DSCAM: variants seen among roughly 807,000 people sequenced by gnomAD.
DSCAM encodes cell adhesion molecule DSCAM.
A neutral mutation model predicts 217.7 loss-of-function variants in DSCAM; 47 were observed. That is an observed-to-expected ratio of 0.22 (90% CI 0.17 to 0.28). The LOEUF (loss-of-function observed/expected upper bound fraction) is 0.28, where lower values mean the gene tolerates loss of function less well. Among genes scored for constraint, DSCAM ranks in the 10% least tolerant of loss-of-function variants. DSCAM has a pLI of 1.00. For missense variants in DSCAM, 2,080 were observed against 2,618.3 expected (o/e 0.79, Z 4.49); for synonymous variants, 1,056 against 1,015.3 (o/e 1.04, Z -0.76).
At chr21:40,277,043 G>A (rs1383552162) in intron 10 of DSCAM, among the ~76,000 whole-genome samples, 1 of 152,108 alleles carries the variant, frequency 6.6e-6, no homozygotes, top group Non-Finnish European at 1.5e-5. Context: ...GGAAGATGGT[G>A]ACTGGATGAA....
rs1199819869 is a variant in DSCAM at position 40,037,752 on chromosome 21, C to A, written c.5686+4619G>T. On this transcript the variant is annotated intron_variant, in intron 32 of 32. Transcript: ENST00000400454. Reference sequence around the variant, plus strand: ...GAAAAAAGCTGGAGGCATCACACTACCTGACTTCAAACTATACTACAAGGC... The same window carrying A: ...GAAAAAAGCTGGAGGCATCACACTAACTGACTTCAAACTATACTACAAGGC... Among the ~76,000 whole-genome samples the A allele has an allele frequency of 2.8e-5, 4 of 145,144 alleles. No homozygotes were observed. In the East Asian group the frequency reaches 8.0e-4, roughly 29 times the overall value.
chr21:40,258,857 G>A (rs574703134), intron 11 of DSCAM, among the ~76,000 whole-genome samples: 82 of 152,260 alleles, frequency 5.4e-4, no homozygotes, highest in Non-Finnish European at 9.7e-4. Context: ...GTGAGGTCCC[G>A]TTCCAGCCAA....
rs550496030 is a variant in DSCAM at position 40,757,477 on chromosome 21, A to T, written c.44-48706T>A. Among the ~76,000 whole-genome samples, 23 of 151,996 alleles carry T rather than the reference A, an allele frequency of 1.5e-4. No individual in the cohort carries two copies. In the South Asian group the frequency reaches 4.8e-3, roughly 32 times the overall value. On this transcript the variant is annotated intron_variant, in intron 1 of 32. Transcript: ENST00000400454. The stretch of plus-strand genomic sequence containing the variant: ...ACTTGGCTGCTCCCCTGACTTCTCT[A>T]CTCCTTCAATCTGGAGTTGGCCATG...
chr21:40,343,137 G>T (rs1239059424), intron 6 of DSCAM, among the ~76,000 whole-genome samples: 1 of 151,990 alleles, frequency 6.6e-6, no homozygotes, highest in Non-Finnish European at 1.5e-5. Flanking sequence ...AAATAAAATT[G>T]CATTTTGTGT....
chr21:40,431,957 T>G (rs1375107469), intron 3 of DSCAM, among the ~76,000 whole-genome samples: 1 of 152,176 alleles, frequency 6.6e-6, no homozygotes, highest in Non-Finnish European at 1.5e-5. Flanking sequence ...CCCAGCACTT[T>G]GGGAGGCCAA....
intron 3 of DSCAM, among the ~76,000 whole-genome samples, chr21:40,402,092 C>T (rs1310298757): frequency 8.8e-6 from 1 of 113,134 alleles, no homozygotes; most frequent in African/African-American, 3.5e-5. Flanking sequence ...CAGAGTCTCG[C>T]TCTGTCGCCC....
chr21:40,369,177 A>G lies in DSCAM; in HGVS notation c.577T>C (p.Tyr193His). ...IKDVQNEDGL[Y>H]NYRCITRHRY... ...TGCCGCGTGATGCAGCGGTAGTTAT[A>G]CAATCCATCTTCATTCTGTACATCT... is the stretch of plus-strand genomic sequence containing the variant. The change falls in exon 4 of 33, where the codon TAT becomes CAT. Residue 193 changes from tyrosine (Y) to histidine (H), a missense_variant. Around this residue, in one of 5 missense-constraint regions of DSCAM, gnomAD observed 568 missense variants for 678.1 expected, o/e 0.84. Coordinates refer to ENST00000400454, the MANE Select transcript of DSCAM (RefSeq NM_001389.5). 1 of 1,613,628 alleles carries G rather than the reference A, an allele frequency of 6.2e-7. No individual in the cohort carries two copies. Among genetic ancestry groups the G allele is most frequent in the South Asian group, 1.1e-5 (1 of 90,954 alleles).
intron 8 of DSCAM, among the ~76,000 whole-genome samples, chr21:40,314,628 A>G (rs752920638): frequency 2.0e-5 from 3 of 152,210 alleles, no homozygotes; most frequent in Admixed American, 2.0e-4. Context: ...CTAAATTGCT[A>G]TGCTTTATTA....
At chr21:40,825,311 T>TTCCTTCCTTCCC (rs1176120927) in intron 1 of DSCAM, among the ~76,000 whole-genome samples, 2 of 151,532 alleles carry the variant, frequency 1.3e-5, no homozygotes, top group African/African-American at 4.9e-5. Flanking sequence ...CCTTCCTTCC[T>TTCCTTCCTTCCC]TCCTTTTTTT....
intron 20 of DSCAM, among the ~76,000 whole-genome samples, chr21:40,103,333 A>G (rs1005118338): frequency 2.0e-5 from 3 of 152,172 alleles, no homozygotes; most frequent in African/African-American, 7.2e-5. Context: ...GCAGTGAAAA[A>G]AAAACTCCCC....
chr21:40,630,159 C>T (rs2089668998), intron 3 of DSCAM, among the ~76,000 whole-genome samples: 1 of 152,004 alleles, frequency 6.6e-6, no homozygotes, highest in African/African-American at 2.4e-5. Flanking sequence ...CAGGAAAGCA[C>T]AAAGTATGTC....
At chr21:40,275,649 TA>T (rs1569036608) in intron 11 of DSCAM, among the ~76,000 whole-genome samples, 1 of 152,172 alleles carries the variant, frequency 6.6e-6, no homozygotes. Flanking sequence ...AAATGATCCT[TA>T]AAAGGAAATC....
chr21:40,751,185 C>T (rs778013084), intron 1 of DSCAM, among the ~76,000 whole-genome samples: 1 of 152,114 alleles, frequency 6.6e-6, no homozygotes, highest in Non-Finnish European at 1.5e-5. Context: ...TCTATCACTT[C>T]GTTTAGGTTT....
intron 26 of DSCAM, among the ~76,000 whole-genome samples, chr21:40,076,578 G>A (rs369180363): frequency 2.0e-5 from 3 of 152,164 alleles, no homozygotes; most frequent in African/African-American, 4.8e-5. Context: ...TTTCCAAAAC[G>A]TAAAGGTAGC....
chr21:40,144,755 A>G lies in DSCAM; in HGVS notation c.3019-24T>C. The stretch of plus-strand genomic sequence containing the variant: ...GCCTAAACAGGAGAGAAAAGAACAC[A>G]CTAAAGAAGTCTTGAGGTAGGACAA... On this transcript the variant is annotated intron_variant, in intron 16 of 32. Transcript: ENST00000400454. This position sits in a 1 kb window ranked among gnomAD's most constrained non-coding sequence, Gnocchi z 4.8. The G allele has an allele frequency of 6.2e-7, 1 of 1,613,486 alleles. No individual in the cohort carries two copies. The highest frequency in any genetic ancestry group is 8.5e-7 in the Non-Finnish European group (1 of 1,179,732).
At chr21:40,515,473 A>G (rs1425020243) in intron 3 of DSCAM, among the ~76,000 whole-genome samples, 1 of 152,210 alleles carries the variant, frequency 6.6e-6, no homozygotes, top group African/African-American at 2.4e-5. Flanking sequence ...TTTCTCCCCA[A>G]AGGTTTCAAC....
At chr21:40,748,730 C>G (rs1341020164) in intron 1 of DSCAM, among the ~76,000 whole-genome samples, 1 of 151,946 alleles carries the variant, frequency 6.6e-6, no homozygotes, top group Non-Finnish European at 1.5e-5. Context: ...ATAGAAATAA[C>G]AATCCTAAAA....
intron 3 of DSCAM, among the ~76,000 whole-genome samples, chr21:40,626,128 G>T (rs968638429): frequency 6.6e-6 from 1 of 152,096 alleles, no homozygotes; most frequent in Non-Finnish European, 1.5e-5. Flanking sequence ...TTTTAGGAGG[G>T]AAGGCAGAGT....
At chr21:40,203,506 C>A (rs990098828) in intron 11 of DSCAM, among the ~76,000 whole-genome samples, 1 of 152,188 alleles carries the variant, frequency 6.6e-6, no homozygotes, top group African/African-American at 2.4e-5. Flanking sequence ...TAGTACCCTG[C>A]GTGCATATTG....
Sources: gnomAD v4.1 joint callset for allele counts (sites outside exome capture counted in the v4.1 genomes callset) on GRCh38, gnomAD v4.1.1 for gene constraint, gnomAD v4.1.1 regional missense constraint, Gnocchi (gnomAD v3.1) non-coding constraint, MANE v1.5 for transcripts, NCBI Gene and HGNC (gene_info 2026-07-23, HGNC 2026-07-21) for gene names.